The following SPRYD4 variants were observed in gnomAD, a reference collection of about 807,000 sequenced individuals.
The protein encoded by SPRYD4 is SPRY domain containing 4, also known as SPRY domain-containing protein 4.
In SPRYD4, 12 loss-of-function variants were observed where a neutral mutation model predicts 16.6. The ratio of observed to expected loss-of-function variants is 0.72; its 90% CI spans 0.46 to 1.17. The LOEUF (loss-of-function observed/expected upper bound fraction) is 1.17. Among genes scored for constraint, SPRYD4 ranks in the 50% most tolerant of loss-of-function variants. The probability of loss-of-function intolerance (pLI) is 0.00; values close to 1 mark genes in which losing one functional copy is unlikely to be tolerated. For synonymous variants in SPRYD4, 98 were observed against 105.4 expected (o/e 0.93, Z 0.43); for missense variants, 260 against 260.2 (o/e 1.00, Z 0.00).
rs575653389 is a variant in SPRYD4 at position 56,468,715 on chromosome 12, G to T, written c.85+39G>T. On this transcript the variant is annotated intron_variant, in intron 1 of 1. Transcript: ENST00000338146. ...TTTTTACTCTTTTACCTCCAGAATG[G>T]CTGCCGTCTATTATTCCCAGACCCC... 7 of 1,592,910 alleles carry T rather than the reference G, an allele frequency of 4.4e-6. No individual in the cohort carries two copies. The African/African-American group carries it at 6.7e-5, about 15-fold the overall frequency.
chr12:56,475,034 T>C lies in SPRYD4; in HGVS notation c.*5457T>C, dbSNP rs1869679247. On this transcript the variant is annotated 3_prime_UTR_variant, in exon 2 of 2. Coordinates refer to ENST00000338146, the MANE Select transcript of SPRYD4 (RefSeq NM_207344.4). ...CCCAGGGACTTTCTCTTCCGGCCTC[T>C]TCTGGTTACCTTCTTTTCCTTGAGA... The C allele has an allele frequency of 6.2e-7, 1 of 1,614,154 alleles. No homozygotes were observed. Among genetic ancestry groups the C allele is most frequent in the Non-Finnish European group, 8.5e-7 (1 of 1,180,042 alleles).
chr12:56,478,263 C>T lies in SPRYD4; in HGVS notation c.*8686C>T. ...CCAGCTGAGGGATGTAGGCTGCCAC[C>T]TGGACATGAGTGGGTAGAGAAAAGG... On this transcript the variant is annotated 3_prime_UTR_variant, in exon 2 of 2. Coordinates refer to ENST00000338146, the MANE Select transcript of SPRYD4 (RefSeq NM_207344.4). The T allele has an allele frequency of 6.2e-7, 1 of 1,614,130 alleles. No individual in the cohort carries two copies. Among genetic ancestry groups the T allele is most frequent in the Non-Finnish European group, 8.5e-7 (1 of 1,179,996 alleles).
In SPRYD4 at chr12:56,469,140, A is replaced by G. The variant is rs765472868; in HGVS notation, c.187A>G (p.Lys63Glu). 11 of 1,614,060 alleles carry G rather than the reference A, an allele frequency of 6.8e-6. No homozygotes were observed. Among genetic ancestry groups the G allele is most frequent in the Non-Finnish European group, 7.6e-6 (9 of 1,179,992 alleles). ...KYGLVGLEPT[K>E]VALNVERFRE... is the part of the protein sequence containing the mutation. ...TGGCTTGGTGGGATTGGAGCCCACC[A>G]AGGTGGCCTTGAATGTGGAGCGCTT... is the stretch of plus-strand genomic sequence containing the variant. The change falls in exon 2 of 2, where the codon AAG becomes GAG. Residue 63 changes from lysine (K) to glutamate (E), a missense_variant. By Grantham distance (56) the Lys-to-Glu change is moderately conservative. Coordinates refer to ENST00000338146, the MANE Select transcript of SPRYD4 (RefSeq NM_207344.4).
At position 56,474,407 on chromosome 12, in the gene SPRYD4, G is replaced by A. The variant is rs1869603160; in HGVS notation, c.*4830G>A. ...TGTTTTTGAGAAACTCGTCTAAGGA[G>A]TCTCAACCTAATTGCCTTCCTGGAA... On this transcript the variant is annotated 3_prime_UTR_variant, in exon 2 of 2. Coordinates refer to ENST00000338146, the MANE Select transcript of SPRYD4 (RefSeq NM_207344.4). 9.6e-7 allele frequency: 1 copy of A among 1,037,344 alleles called. No individual in the cohort carries two copies. Among genetic ancestry groups the A allele is most frequent in the South Asian group, 1.5e-5 (1 of 65,088 alleles). The allele number at this position is 1,037,344 out of a possible 1,614,324, so 64.3% of individuals were successfully genotyped here.
rs67377312 is a variant in SPRYD4, at chr12:56,474,092, C to CTTTTTTT, written c.*4516_*4522dup. The CTTTTTTT allele has an allele frequency of 2.0e-5, 2 of 98,936 alleles. No individual in the cohort carries two copies. Among genetic ancestry groups the CTTTTTTT allele is most frequent in the Non-Finnish European group, 4.4e-5 (2 of 45,384 alleles). The allele number at this position is 98,936 out of a possible 1,614,324, so 6.1% of individuals were successfully genotyped here. A position where few individuals can be genotyped will look rare whatever the true frequency, so the allele number is the denominator to read the frequency against. On this transcript the variant is annotated 3_prime_UTR_variant, in exon 2 of 2. Transcript: ENST00000338146. Reference sequence around the variant, plus strand: ...AACACCTCTGGTTGTTTTTCTTTTTCTTTTTTTCTTTTTTTTTGAGATGGA... The same window carrying CTTTTTTT: ...AACACCTCTGGTTGTTTTTCTTTTTCTTTTTTTTTTTTTTCTTTTTTTTTGAGATGGA...
rs1869212890 is a variant in SPRYD4, at chr12:56,470,976, G to C, written c.*1399G>C. 2 of 174,300 alleles carry C rather than the reference G, an allele frequency of 1.1e-5. No individual in the cohort carries two copies. The highest frequency in any genetic ancestry group is 2.4e-5 in the African/African-American group (1 of 42,412). The allele number at this position is 174,300 out of a possible 1,614,324, so 10.8% of individuals were successfully genotyped here. ...ATGATTTGGTAATTAAAGTTTATTTGAACACAAAATACTTTCTCTGTCTAT... is the reference window on the plus strand; with the variant it reads ...ATGATTTGGTAATTAAAGTTTATTTCAACACAAAATACTTTCTCTGTCTAT... On this transcript the variant is annotated 3_prime_UTR_variant, in exon 2 of 2. Coordinates refer to ENST00000338146, the MANE Select transcript of SPRYD4 (RefSeq NM_207344.4).
In SPRYD4 at chr12:56,468,614, C is replaced by T. The variant is rs148775301; in HGVS notation, c.23C>T (p.Ser8Phe). ...AAGATGGCGCTGCTTTTTGCACGTT[C>T]TTTGCGCTTGTGCCGCTGGGGAGCC... Reference protein sequence around the residue: MALLFARSLRLCRWGAKR... With the variant: MALLFARFLRLCRWGAKR... Residue 8 changes from serine (S) to phenylalanine (F), a missense_variant, in exon 1 of 2, where the codon TCT (serine) becomes TTT (phenylalanine). By Grantham distance (155) the Ser-to-Phe change is radical (BLOSUM62 -2). Coordinates refer to ENST00000338146, the MANE Select transcript of SPRYD4 (RefSeq NM_207344.4). 6 of 1,613,768 alleles carry T rather than the reference C, an allele frequency of 3.7e-6. 1 individual carries two copies. The South Asian group carries it at 6.6e-5, about 18-fold the overall frequency.
At position 56,474,796 on chromosome 12, in the gene SPRYD4, G is replaced by A. The variant is rs758485801; in HGVS notation, c.*5219G>A. On this transcript the variant is annotated 3_prime_UTR_variant, in exon 2 of 2. Transcript: ENST00000338146. ...CCCTCGGGTGTAGGGAAAGGGCAAG[G>A]GCAAGGACAGTCTGTCCTGTTCCCT... 7 of 1,613,104 alleles carry A rather than the reference G, an allele frequency of 4.3e-6. No individual in the cohort carries two copies. The highest frequency in any genetic ancestry group is 1.3e-5 in the African/African-American group (1 of 74,726).
In SPRYD4 at chr12:56,472,766, A is replaced by G; in HGVS notation, c.*3189A>G. 1 of 1,613,376 alleles carries G rather than the reference A, an allele frequency of 6.2e-7. No homozygotes were observed. Among genetic ancestry groups the G allele is most frequent in the African/African-American group, 1.3e-5 (1 of 74,996 alleles). ...ACAGTCTTGTTCTGGAACACAAATC[A>G]TACCCACATGACATTAATTGAACTC... On this transcript the variant is annotated 3_prime_UTR_variant, in exon 2 of 2. Coordinates refer to ENST00000338146, the MANE Select transcript of SPRYD4 (RefSeq NM_207344.4).
At position 56,474,080 on chromosome 12, in the gene SPRYD4, GTTTTTCTT is replaced by G. The variant is rs918446253; in HGVS notation, c.*4507_*4514del. ...TTCAGGAGCTGCAACACCTCTGGTT[GTTTTTCTT>G]TTTCTTTTTTTCTTTTTTTTTGAGA... On this transcript the variant is annotated 3_prime_UTR_variant, in exon 2 of 2. Transcript: ENST00000338146. 1.8e-5 allele frequency: 3 copies of G among 170,124 alleles called. No homozygotes were observed. The highest frequency in any genetic ancestry group is 7.7e-5 in the African/African-American group (3 of 38,958). 10.5% of individuals were successfully genotyped at this position (170,124 alleles called of 1,614,324 possible).
chr12:56,468,740 C>A, intron 1 of SPRYD4, 64 bp downstream of exon 1: 1 of 1,548,450 alleles, frequency 6.5e-7, no homozygotes, highest in Non-Finnish European at 8.9e-7. Flanking sequence ...TCCCAGACCC[C>A]ACTCCGAGAA....
Position 56,472,669 on chromosome 12 carries a change from A to T in SPRYD4, c.*3092A>T. The T allele has an allele frequency of 6.2e-7, 1 of 1,608,666 alleles. No individual in the cohort carries two copies. On this transcript the variant is annotated 3_prime_UTR_variant, in exon 2 of 2. Coordinates refer to ENST00000338146, the MANE Select transcript of SPRYD4 (RefSeq NM_207344.4). ...TGACCAGGAGTATTTTATTGTGTAT[A>T]TTTGGTCACAGTAGCATTACCTTCG...
In SPRYD4 at chr12:56,477,601, A is replaced by G. The variant is rs1869932425; in HGVS notation, c.*8024A>G. The G allele has an allele frequency of 6.6e-7, 1 of 1,523,420 alleles. No homozygotes were observed. 94.4% of individuals were successfully genotyped at this position (1,523,420 alleles called of 1,614,324 possible). A position where few individuals can be genotyped will look rare whatever the true frequency, so the allele number is the denominator to read the frequency against. ...CTGGAGAGCTGAACAAATATGAGGG[A>G]TACAGGAACACAGGAGCTTAGAGGA... On this transcript the variant is annotated 3_prime_UTR_variant, in exon 2 of 2. Coordinates refer to ENST00000338146, the MANE Select transcript of SPRYD4 (RefSeq NM_207344.4).
chr12:56,478,086 C>T lies in SPRYD4; in HGVS notation c.*8509C>T. 2 of 1,613,970 alleles carry T rather than the reference C, an allele frequency of 1.2e-6. No homozygotes were observed. The highest frequency in any genetic ancestry group is 1.7e-6 in the Non-Finnish European group (2 of 1,179,904). On this transcript the variant is annotated 3_prime_UTR_variant, in exon 2 of 2. Transcript: ENST00000338146. ...AGGCAGAAGGGGATCTTTGTGTGGC[C>T]CACAGAGTGCCTGGAGGCAGACAGA...
Position 56,472,490 on chromosome 12 carries a change from G to A in SPRYD4, c.*2913G>A, listed in dbSNP as rs1869373766. 1 of 614,722 alleles carries A rather than the reference G, an allele frequency of 1.6e-6. No homozygotes were observed. 38.1% of individuals were successfully genotyped at this position (614,722 alleles called of 1,614,324 possible). A position where few individuals can be genotyped will look rare whatever the true frequency, so the allele number is the denominator to read the frequency against. ...ACTGCTCTTAACACTCAATAACAAT[G>A]GCTAACATTAATTATCATAGAGCAG... On this transcript the variant is annotated 3_prime_UTR_variant, in exon 2 of 2. Transcript: ENST00000338146.
rs1870102660 is a variant in SPRYD4 at position 56,479,378 on chromosome 12, G to A, written c.*9801G>A. 7 of 569,086 alleles carry A rather than the reference G, an allele frequency of 1.2e-5. No individual in the cohort carries two copies. Among genetic ancestry groups the A allele is most frequent in the Non-Finnish European group, 2.0e-5 (7 of 341,770 alleles). The allele number at this position is 569,086 out of a possible 1,614,324, so 35.3% of individuals were successfully genotyped here. Reference sequence around the variant, plus strand: ...CTAAAATGAGGGGTTTTAATGATGTGGAAAGACACTATGTCTTGGGATATG... The same window carrying A: ...CTAAAATGAGGGGTTTTAATGATGTAGAAAGACACTATGTCTTGGGATATG... On this transcript the variant is annotated 3_prime_UTR_variant, in exon 2 of 2. Coordinates refer to ENST00000338146, the MANE Select transcript of SPRYD4 (RefSeq NM_207344.4).
rs1453812130 is a variant in SPRYD4 at position 56,469,732 on chromosome 12, C to T, written c.*155C>T. The T allele has an allele frequency of 1.3e-6, 1 of 761,486 alleles. No homozygotes were observed. The highest frequency in any genetic ancestry group is 2.1e-6 in the Non-Finnish European group (1 of 486,088). The allele number at this position is 761,486 out of a possible 1,614,324, so 47.2% of individuals were successfully genotyped here. On this transcript the variant is annotated 3_prime_UTR_variant, in exon 2 of 2. Transcript: ENST00000338146. ...CATGATCATCTTCCTCATCCCCTAC[C>T]TTGTGAAAGCTAGGCATACAGCCAA... is the stretch of plus-strand genomic sequence containing the variant.
At position 56,474,556 on chromosome 12, in the gene SPRYD4, CTG is replaced by C. The variant is rs1304922312; in HGVS notation, c.*4980_*4981del. On this transcript the variant is annotated 3_prime_UTR_variant, in exon 2 of 2. Transcript: ENST00000338146. ...GCCAGAAACTCACGTGGAAGGCAAA[CTG>C]GCCAGAGAAGTCATACATGCCGCAG... 6.2e-7 allele frequency: 1 copy of C among 1,613,904 alleles called. No individual in the cohort carries two copies. The highest frequency in any genetic ancestry group is 2.2e-5 in the East Asian group (1 of 44,896).
At position 56,475,914 on chromosome 12, in the gene SPRYD4, C is replaced by T; in HGVS notation, c.*6337C>T. 1 of 1,612,746 alleles carries T rather than the reference C, an allele frequency of 6.2e-7. No homozygotes were observed. The highest frequency in any genetic ancestry group is 8.5e-7 in the Non-Finnish European group (1 of 1,178,944). On this transcript the variant is annotated 3_prime_UTR_variant, in exon 2 of 2. Coordinates refer to ENST00000338146, the MANE Select transcript of SPRYD4 (RefSeq NM_207344.4). Reference sequence around the variant, plus strand: ...GAGGACAGCATGCCATGGCGAAATGCAGCCAGGGGCTAAGTAGCAAGGGAA... The same window carrying T: ...GAGGACAGCATGCCATGGCGAAATGTAGCCAGGGGCTAAGTAGCAAGGGAA...
Sources: allele counts gnomAD v4.1 joint callset, GRCh38; gene constraint gnomAD v4.1.1; transcripts MANE v1.5; gene names NCBI Gene and HGNC (gene_info 2026-07-23, HGNC 2026-07-21).